The following NUBPL variants were observed in gnomAD, a reference collection of about 807,000 sequenced individuals.
The protein encoded by NUBPL is NUBP iron-sulfur cluster assembly factor, mitochondrial, also known as iron-sulfur cluster transfer protein NUBPL.
In NUBPL, 31 loss-of-function variants were observed where a neutral mutation model predicts 45.7. The ratio of observed to expected loss-of-function variants is 0.68; its 90% confidence interval spans 0.51 to 0.92. NUBPL has a LOEUF of 0.92. Among genes scored for constraint, NUBPL ranks in the 40% least tolerant of loss-of-function variants. NUBPL has a pLI of 0.00. For synonymous variants in NUBPL, 144 were observed against 140.9 expected (o/e 1.02, Z -0.15); for missense variants, 401 against 398.7 (o/e 1.01, Z -0.05).
rs555085543 is a variant in NUBPL at position 31,709,266 on chromosome 14, A to G, written c.513+35692A>G. Among the ~76,000 whole-genome samples, 6 of 152,334 alleles carry G rather than the reference A, an allele frequency of 3.9e-5. No homozygotes were observed. The East Asian group carries it at 1.2e-3, about 29-fold the overall frequency. ...GGAGTATATTTTCTTAAGGCCTCCCATAGCCGCTCGAGGGAGGCAGAAGGA... is the reference window on the plus strand; with the variant it reads ...GGAGTATATTTTCTTAAGGCCTCCCGTAGCCGCTCGAGGGAGGCAGAAGGA... On this transcript the variant is annotated intron_variant, in intron 6 of 10. Transcript: ENST00000281081.
At chr14:31,820,571 C>A (rs369332465) in intron 7 of NUBPL, among the ~76,000 whole-genome samples, 3 of 152,236 alleles carry the variant, frequency 2.0e-5, no homozygotes, top group African/African-American at 7.2e-5. Context: ...CGCCTGTAAT[C>A]CCAGCACATT....
At chr14:31,681,681 A>T (rs1002570714) in intron 6 of NUBPL, among the ~76,000 whole-genome samples, 2 of 152,072 alleles carry the variant, frequency 1.3e-5, no homozygotes, top group East Asian at 3.9e-4. Context: ...AGTTAAGGCT[A>T]TAAATTTATC....
At chr14:31,665,755 C>T (rs1287750406) in intron 4 of NUBPL, among the ~76,000 whole-genome samples, 1 of 152,002 alleles carries the variant, frequency 6.6e-6, no homozygotes, top group African/African-American at 2.4e-5. Flanking sequence ...TCTGTTTGGT[C>T]CAGAGCTGAG....
intron 6 of NUBPL, among the ~76,000 whole-genome samples, chr14:31,708,354 T>G (rs1392173734): frequency 6.6e-6 from 1 of 152,148 alleles, no homozygotes; most frequent in East Asian, 1.9e-4. Flanking sequence ...TGGGTGGGCA[T>G]TTTTTGCTTT....
chr14:31,714,186 A>T (rs1299231154), intron 6 of NUBPL, among the ~76,000 whole-genome samples: 5 of 152,216 alleles, frequency 3.3e-5, no homozygotes, highest in Non-Finnish European at 7.3e-5. Flanking sequence ...CCTAATAGAA[A>T]GGCAGGTTTT....
intron 3 of NUBPL, among the ~76,000 whole-genome samples, chr14:31,566,053 C>T (rs1385184159): frequency 6.6e-6 from 1 of 152,062 alleles, no homozygotes; most frequent in Non-Finnish European, 1.5e-5. Context: ...TGCTTCATAC[C>T]TATTTTATAG....
At chr14:31,694,790 A>C (rs947346856) in intron 6 of NUBPL, among the ~76,000 whole-genome samples, 14 of 152,238 alleles carry the variant, frequency 9.2e-5, no homozygotes, top group Non-Finnish European at 1.9e-4. Context: ...TTGGGATTAC[A>C]GGCGTGAGCC....
intron 7 of NUBPL, among the ~76,000 whole-genome samples, chr14:31,814,519 C>T (rs1319056710): frequency 6.6e-6 from 1 of 151,992 alleles, no homozygotes; most frequent in Non-Finnish European, 1.5e-5. Flanking sequence ...TTTTGCTGTG[C>T]AGAATCTCTT....
intron 4 of NUBPL, among the ~76,000 whole-genome samples, chr14:31,652,407 A>G (rs1287894160): frequency 6.6e-6 from 1 of 152,166 alleles, no homozygotes; most frequent in Admixed American, 6.5e-5. Context: ...ATACTAATGC[A>G]TTGTGCACTT....
intron 1 of NUBPL, 194 bp downstream of exon 1, chr14:31,561,741 T>A (rs2033287271): frequency 1.8e-6 from 1 of 568,158 alleles, no homozygotes; most frequent in East Asian, 2.9e-5. Flanking sequence ...AACGTAGATG[T>A]GGTATTCTAC....
chr14:31,596,417 AG>A (rs1360443931), intron 3 of NUBPL, among the ~76,000 whole-genome samples: 1 of 152,342 alleles, frequency 6.6e-6, no homozygotes, highest in Non-Finnish European at 1.5e-5. Context: ...ATGACTGAAT[AG>A]CTTCATCATG....
chr14:31,821,269 A>T (rs1340799391), intron 7 of NUBPL, among the ~76,000 whole-genome samples: 2 of 152,218 alleles, frequency 1.3e-5, no homozygotes, highest in Admixed American at 6.5e-5. Context: ...AATGGGAGAA[A>T]ATATTTGCAA....
intron 6 of NUBPL, among the ~76,000 whole-genome samples, chr14:31,698,685 TACTG>T (rs1424186600): frequency 1.3e-5 from 2 of 152,176 alleles, no homozygotes; most frequent in African/African-American, 2.4e-5. Context: ...AACATTTACT[TACTG>T]ATTTTTTTTA....
chr14:31,650,287 C>CTTT (rs35127795), intron 4 of NUBPL, among the ~76,000 whole-genome samples: 4 of 116,594 alleles, frequency 3.4e-5, no homozygotes, highest in African/African-American at 1.1e-4. Flanking sequence ...GGCTTTCTTT[C>CTTT]TTTTTTTTTT....
At chr14:31,826,191 G>A (rs890481640) in intron 7 of NUBPL, among the ~76,000 whole-genome samples, 6 of 151,956 alleles carry the variant, frequency 3.9e-5, no homozygotes, top group African/African-American at 9.7e-5. Flanking sequence ...TGTGATCTCC[G>A]CTCACCGCAA....
chr14:31,710,459 G>A (rs1421101714), intron 6 of NUBPL, among the ~76,000 whole-genome samples: 2 of 152,162 alleles, frequency 1.3e-5, no homozygotes, highest in East Asian at 3.9e-4. Context: ...CAGACCACAA[G>A]GAGGACTAAG....
intron 6 of NUBPL, among the ~76,000 whole-genome samples, chr14:31,759,087 A>C (rs1223532433): frequency 6.6e-6 from 1 of 151,876 alleles, no homozygotes; most frequent in Non-Finnish European, 1.5e-5. Flanking sequence ...ACAAAAAACA[A>C]AAAAAAAGGT....
intron 7 of NUBPL, among the ~76,000 whole-genome samples, chr14:31,817,124 T>C (rs910039219): frequency 6.6e-6 from 1 of 151,442 alleles, no homozygotes; most frequent in Non-Finnish European, 1.5e-5. Flanking sequence ...GAAGACAAAA[T>C]TAGAGAAAAA....
intron 4 of NUBPL, among the ~76,000 whole-genome samples, chr14:31,631,822 C>T (rs571709558): frequency 2.0e-5 from 3 of 151,994 alleles, no homozygotes; most frequent in Non-Finnish European, 4.4e-5. Flanking sequence ...CACATGAAGG[C>T]GGGCAACCTG....
Sources: allele counts gnomAD v4.1 joint callset (sites outside exome capture counted in the v4.1 genomes callset), GRCh38; gene constraint gnomAD v4.1.1; transcripts MANE v1.5; gene names NCBI Gene and HGNC (gene_info 2026-07-23, HGNC 2026-07-21).